The following CCDC85A variants were observed in gnomAD, a reference collection of about 807,000 sequenced individuals.
CCDC85A encodes coiled-coil domain containing 85A, also known as coiled-coil domain-containing protein 85A.
CCDC85A carries 38 observed loss-of-function variants against 50.2 expected under a neutral mutation model. The observed-to-expected ratio is 0.76, with a 90% CI of 0.58 to 0.99. CCDC85A has a LOEUF of 0.99. CCDC85A is among the 50% of genes least tolerant of loss of function. CCDC85A has a pLI of 0.00. For synonymous variants in CCDC85A, 366 were observed against 301.4 expected, an observed-to-expected ratio of 1.21 and a Z score of -2.22; for missense variants, 820 against 742.0, an observed-to-expected ratio of 1.11 and a Z score of -1.22.
At chr2:56,186,002 C>T (rs1405494939) in intron 1 of CCDC85A, among the ~76,000 whole-genome samples, 1 of 152,178 alleles carries the variant, frequency 6.6e-6, no homozygotes, top group Non-Finnish European at 1.5e-5. Context: ...GATGCTGTTC[C>T]GGAATTGCCT....
chr2:56,193,076 G>A lies in CCDC85A; in HGVS notation c.876G>A (p.Gln292=). ...HKPLCKGSPE[Q]QRHPHPGSSP... ...CCTTGTGCAAGGGCAGCCCCGAACAGCAAAGGCACCCGCATCCAGGGAGCA... is the reference window on the plus strand; with the variant it reads ...CCTTGTGCAAGGGCAGCCCCGAACAACAAAGGCACCCGCATCCAGGGAGCA... The change falls in exon 2 of 6, where the codon CAG becomes CAA. Residue 292 remains glutamine, a synonymous_variant. Coordinates refer to ENST00000407595, the MANE Select transcript of CCDC85A (RefSeq NM_001080433.2). 6.2e-7 allele frequency: 1 copy of A among 1,613,444 alleles called. No individual in the cohort carries two copies. The highest frequency in any genetic ancestry group is 8.5e-7 in the Non-Finnish European group (1 of 1,179,742).
At chr2:56,310,602 C>G (rs575371331) in intron 2 of CCDC85A, among the ~76,000 whole-genome samples, 2 of 152,140 alleles carry the variant, frequency 1.3e-5, no homozygotes, top group African/African-American at 2.4e-5. Context: ...AAAATTTGAT[C>G]TACTTCAGCA....
intron 2 of CCDC85A, among the ~76,000 whole-genome samples, chr2:56,297,292 CTT>C (rs943329360): frequency 5.3e-5 from 8 of 151,964 alleles, no homozygotes; most frequent in African/African-American, 1.9e-4. Context: ...GTTGGGGAAA[CTT>C]ACTCAAAATA....
chr2:56,276,112 G>T (rs567268053), intron 2 of CCDC85A, among the ~76,000 whole-genome samples: 1 of 152,178 alleles, frequency 6.6e-6, no homozygotes, highest in East Asian at 1.9e-4. Context: ...TAGATTTGGG[G>T]CGTCTCCCCT....
intron 2 of CCDC85A, among the ~76,000 whole-genome samples, chr2:56,220,138 C>T (rs1190346395): frequency 6.6e-6 from 1 of 151,952 alleles, no homozygotes; most frequent in Non-Finnish European, 1.5e-5. Context: ...AGCTCTATTT[C>T]GGGAATTCTG....
intron 2 of CCDC85A, among the ~76,000 whole-genome samples, chr2:56,304,134 A>C (rs2104200672): frequency 6.6e-6 from 1 of 152,278 alleles, no homozygotes; most frequent in South Asian, 2.1e-4. Context: ...TTGTAAGTGC[A>C]TTCTTATTAG....
At chr2:56,344,283 G>T (rs540522280) in intron 3 of CCDC85A, among the ~76,000 whole-genome samples, 96 of 152,270 alleles carry the variant, frequency 6.3e-4, no homozygotes, top group Non-Finnish European at 1.1e-3. Flanking sequence ...AGGGTTACTT[G>T]AACGCAAGCA....
chr2:56,346,434 G>T (rs1340015419), intron 3 of CCDC85A, among the ~76,000 whole-genome samples: 1 of 152,180 alleles, frequency 6.6e-6, no homozygotes, highest in Non-Finnish European at 1.5e-5. Flanking sequence ...AGGCAGTGAA[G>T]ATTAAGTTAG....
chr2:56,213,306 C>T (rs1052709930), intron 2 of CCDC85A, among the ~76,000 whole-genome samples: 2 of 151,936 alleles, frequency 1.3e-5, no homozygotes, highest in South Asian at 4.1e-4. Context: ...TCACTTAGTC[C>T]TTGGACCCCT....
intron 1 of CCDC85A, among the ~76,000 whole-genome samples, chr2:56,189,340 G>T (rs1207118817): frequency 7.4e-6 from 1 of 134,956 alleles, no homozygotes; most frequent in Non-Finnish European, 1.6e-5. Flanking sequence ...TGTTGCCCAG[G>T]CTGTAGTGTA....
intron 4 of CCDC85A, among the ~76,000 whole-genome samples, chr2:56,373,429 T>C (rs1676180707): frequency 6.6e-6 from 1 of 152,198 alleles, no homozygotes; most frequent in Non-Finnish European, 1.5e-5. Flanking sequence ...AACAGGACTT[T>C]GTTTACATTT....
At chr2:56,373,458 C>T (rs1299518511) in intron 4 of CCDC85A, among the ~76,000 whole-genome samples, 2 of 151,768 alleles carry the variant, frequency 1.3e-5, no homozygotes, top group African/African-American at 4.8e-5. Flanking sequence ...GAAAATGGCT[C>T]AGATGATTTG....
At chr2:56,242,405 C>A (rs1490750387) in intron 2 of CCDC85A, among the ~76,000 whole-genome samples, 1 of 152,034 alleles carries the variant, frequency 6.6e-6, no homozygotes, top group Non-Finnish European at 1.5e-5. Flanking sequence ...ACAATCATGG[C>A]AGAAGGCAAA....
intron 2 of CCDC85A, among the ~76,000 whole-genome samples, chr2:56,334,398 G>A (rs965645049): frequency 2.0e-5 from 3 of 152,112 alleles, no homozygotes; most frequent in African/African-American, 7.2e-5. Flanking sequence ...AGTGTTTGAG[G>A]GTTAGTGAAA....
At chr2:56,308,527 A>AAAC (rs370851408) in intron 2 of CCDC85A, among the ~76,000 whole-genome samples, 27 of 152,200 alleles carry the variant, frequency 1.8e-4, no homozygotes, top group East Asian at 1.4e-3. Context: ...CAGACATGGA[A>AAAC]AACAACAACA....
chr2:56,350,820 A>G (rs2193482), intron 3 of CCDC85A, among the ~76,000 whole-genome samples: 1 of 141,474 alleles, frequency 7.1e-6, no homozygotes, highest in African/African-American at 2.7e-5. Context: ...ATTGATAGAT[A>G]TTTTTTTTCA....
chr2:56,374,323 CT>C (rs1676229741), intron 4 of CCDC85A, among the ~76,000 whole-genome samples: 1 of 151,984 alleles, frequency 6.6e-6, no homozygotes, highest in East Asian at 1.9e-4. Flanking sequence ...CAGGGGGAGC[CT>C]TTGAGGACAT....
At chr2:56,358,117 A>T (rs1037044635) in intron 3 of CCDC85A, among the ~76,000 whole-genome samples, 2 of 152,142 alleles carry the variant, frequency 1.3e-5, no homozygotes, top group African/African-American at 2.4e-5. Context: ...GCATCTCTTG[A>T]AGCAAGATAA....
intron 2 of CCDC85A, among the ~76,000 whole-genome samples, chr2:56,194,846 C>G (rs566211605): frequency 1.8e-4 from 28 of 152,194 alleles, no homozygotes; most frequent in Admixed American, 5.9e-4. Context: ...TCCCAAGAGC[C>G]GTGGAGATGC....
Sources: allele counts gnomAD v4.1 joint callset (sites outside exome capture counted in the v4.1 genomes callset), GRCh38; gene constraint gnomAD v4.1.1; transcripts MANE v1.5; gene names NCBI Gene and HGNC (gene_info 2026-07-23, HGNC 2026-07-21).